The following PLEKHA6 variants were observed in gnomAD, a reference collection of about 807,000 sequenced individuals.
The protein encoded by PLEKHA6 is pleckstrin homology domain containing A6, also known as pleckstrin homology domain-containing family A member 6.
In PLEKHA6, 60 loss-of-function variants were observed where a neutral mutation model predicts 116.7. That is an observed-to-expected ratio of 0.51 (90% CI 0.42 to 0.64). The LOEUF is 0.64. Ranked by LOEUF, PLEKHA6 falls within the 30% of genes least tolerant of loss-of-function variation. PLEKHA6 has a pLI of 0.00. For missense variants in PLEKHA6, 1,338 were observed against 1,422.7 expected (o/e 0.94, Z 0.96); for synonymous variants, 489 against 556.1 (o/e 0.88, Z 1.70).
At chr1:204,284,539 C>A (rs994075289) in intron 1 of PLEKHA6, among the ~76,000 whole-genome samples, 2 of 151,850 alleles carry the variant, frequency 1.3e-5, no homozygotes, top group African/African-American at 2.4e-5. Context: ...CCAAAGGGAG[C>A]CTAGGAACAA....
chr1:204,263,243 G>A (rs1027169143), intron 6 of PLEKHA6, among the ~76,000 whole-genome samples: 2 of 152,344 alleles, frequency 1.3e-5, no homozygotes, highest in East Asian at 1.9e-4. Flanking sequence ...GGGTAGGGGC[G>A]CTGGCCTGGA....
intron 3 of PLEKHA6, among the ~76,000 whole-genome samples, chr1:204,272,267 C>A (rs188989913): frequency 5.4e-4 from 82 of 152,220 alleles, no homozygotes; most frequent in Non-Finnish European, 9.4e-4. Context: ...GAAGAGGTGG[C>A]TTTTCCCCAT....
chr1:204,232,287 C>T (rs770581999), intron 17 of PLEKHA6, among the ~76,000 whole-genome samples: 2 of 152,096 alleles, frequency 1.3e-5, no homozygotes, highest in Non-Finnish European at 2.9e-5. Context: ...AGAAAAGAAC[C>T]GTTAAGCCAA....
chr1:204,374,740 A>T, intron 1 of PLEKHA6, among the ~76,000 whole-genome samples: 1 of 151,494 alleles, frequency 6.6e-6, no homozygotes. Context: ...GCTGCCTCCC[A>T]CTCAATGCCA....
chr1:204,340,105 G>A (rs868609192), intron 1 of PLEKHA6, among the ~76,000 whole-genome samples: 18 of 152,182 alleles, frequency 1.2e-4, no homozygotes, highest in African/African-American at 3.9e-4. Flanking sequence ...GACCGCATGA[G>A]AATTGGAAGG....
chr1:204,233,979 G>A (rs1661584041), intron 17 of PLEKHA6, among the ~76,000 whole-genome samples: 1 of 152,144 alleles, frequency 6.6e-6, no homozygotes, highest in Admixed American at 6.6e-5. Context: ...TGAAATTTGG[G>A]TATCACAGGG....
chr1:204,255,678 T>A (rs1247434316), intron 9 of PLEKHA6: 2 of 702,696 alleles, frequency 2.8e-6, no homozygotes, highest in Non-Finnish European at 5.2e-6. Context: ...TAAAAGTTCA[T>A]CCTACCCGGA....
intron 1 of PLEKHA6, among the ~76,000 whole-genome samples, chr1:204,288,337 C>T (rs961137769): frequency 6.6e-6 from 1 of 152,198 alleles, no homozygotes; most frequent in Non-Finnish European, 1.5e-5. Context: ...GTAGCAACTC[C>T]CACCTTGATG....
intron 1 of PLEKHA6, chr1:204,280,997 G>C: frequency 1.0e-6 from 1 of 984,686 alleles, no homozygotes; most frequent in African/African-American, 1.7e-5. Context: ...AGCACTTCTA[G>C]GTATTTGCAG....
chr1:204,359,304 C>A (rs79771275), intron 1 of PLEKHA6, among the ~76,000 whole-genome samples: 6,081 of 152,192 alleles, frequency 0.04, 337 homozygotes, highest in African/African-American at 0.12. Context: ...GACCCCCTCC[C>A]TCTCTCCTTC....
chr1:204,306,190 G>C (rs1161125377), intron 1 of PLEKHA6, among the ~76,000 whole-genome samples: 4 of 152,026 alleles, frequency 2.6e-5, no homozygotes. Context: ...CTCTGGCTCT[G>C]TCCCATTGAG....
chr1:204,331,263 A>G (rs1672439294), intron 1 of PLEKHA6, among the ~76,000 whole-genome samples: 1 of 152,046 alleles, frequency 6.6e-6, no homozygotes, highest in Non-Finnish European at 1.5e-5. Flanking sequence ...GCAACTGATC[A>G]AATGCCTTGT....
At chr1:204,301,550 A>C in intron 1 of PLEKHA6, 4 of 804,778 alleles carry the variant, frequency 5.0e-6, no homozygotes, top group Non-Finnish European at 6.0e-6. Flanking sequence ...CCACCACCCC[A>C]TGGCTTCATC....
intron 1 of PLEKHA6, among the ~76,000 whole-genome samples, chr1:204,324,832 G>A (rs1672187607): frequency 2.0e-5 from 3 of 152,176 alleles, no homozygotes; most frequent in Admixed American, 2.0e-4. Flanking sequence ...TTGGCTTAGG[G>A]ACTGTGTTGG....
intron 6 of PLEKHA6, among the ~76,000 whole-genome samples, chr1:204,263,747 T>G (rs991543286): frequency 6.6e-6 from 1 of 150,888 alleles, no homozygotes; most frequent in Non-Finnish European, 1.5e-5. Flanking sequence ...TGTGTGTGGG[T>G]GTGTGTGTGT....
At chr1:204,326,038 G>C (rs1572183533) in intron 1 of PLEKHA6, 1 of 288,218 alleles carries the variant, frequency 3.5e-6, no homozygotes, top group Non-Finnish European at 5.2e-6. Flanking sequence ...AGCACAGGGA[G>C]CCATGCTTCC....
chr1:204,291,190 A>G (rs1240054913), intron 1 of PLEKHA6, among the ~76,000 whole-genome samples: 1 of 152,208 alleles, frequency 6.6e-6, no homozygotes, highest in Non-Finnish European at 1.5e-5. Context: ...ATCATTAGCC[A>G]TTAGAGAAAT....
intron 1 of PLEKHA6, among the ~76,000 whole-genome samples, chr1:204,279,694 A>C (rs1558129018): frequency 6.6e-6 from 1 of 152,294 alleles, no homozygotes; most frequent in East Asian, 1.9e-4. Flanking sequence ...ACTTATCCAC[A>C]ATGAGGGTGG....
chr1:204,319,509 G>A (rs139554267), intron 1 of PLEKHA6, among the ~76,000 whole-genome samples: 210 of 152,296 alleles, frequency 1.4e-3, no homozygotes, highest in African/African-American at 4.8e-3. Context: ...ATCCCATTAA[G>A]GCGGGCTTCT....
Sources: gnomAD v4.1 joint callset for allele counts (sites outside exome capture counted in the v4.1 genomes callset) on GRCh38, gnomAD v4.1.1 for gene constraint, MANE v1.5 for transcripts, NCBI Gene and HGNC (gene_info 2026-07-23, HGNC 2026-07-21) for gene names.